TCF7L2: variants seen among roughly 807,000 people sequenced by gnomAD.
The protein encoded by TCF7L2 is transcription factor 7-like 2.
In TCF7L2, 23 loss-of-function variants were observed where a neutral mutation model predicts 77.9. The observed-to-expected ratio is 0.30, with a 90% confidence interval of 0.21 to 0.42. The LOEUF (loss-of-function observed/expected upper bound fraction) is 0.42. Among genes scored for constraint, TCF7L2 ranks in the 10% least tolerant of loss-of-function variants. TCF7L2 has a pLI of 1.00. For missense variants in TCF7L2, 654 were observed against 793.1 expected (o/e 0.82, Z 2.11); for synonymous variants, 413 against 340.2 (o/e 1.21, Z -2.36).
intron 4 of TCF7L2, among the ~76,000 whole-genome samples, chr10:113,026,532 GT>G (rs2049209247): frequency 6.6e-6 from 1 of 152,322 alleles, no homozygotes; most frequent in African/African-American, 2.4e-5. Context: ...GAATCAGGGA[GT>G]TAGGTCCGTC....
intron 5 of TCF7L2, among the ~76,000 whole-genome samples, chr10:113,105,927 T>A (rs141600726): frequency 1.3e-5 from 2 of 152,276 alleles, no homozygotes; most frequent in East Asian, 3.9e-4. Context: ...TCTCCAGGAT[T>A]AAAACAAAAC....
At chr10:113,060,085 C>T (rs2056180165) in intron 5 of TCF7L2, among the ~76,000 whole-genome samples, 2 of 152,128 alleles carry the variant, frequency 1.3e-5, no homozygotes, top group Admixed American at 6.5e-5. Context: ...AGCTGTTCAG[C>T]GGATACCCTG....
chr10:112,975,860 G>GA, intron 4 of TCF7L2, among the ~76,000 whole-genome samples: 1 of 152,200 alleles, frequency 6.6e-6, no homozygotes, highest in Admixed American at 6.6e-5. Context: ...TGTGACAACT[G>GA]AAAATATCTC....
At chr10:113,109,964 G>A (rs2062910431) in intron 5 of TCF7L2, among the ~76,000 whole-genome samples, 1 of 152,142 alleles carries the variant, frequency 6.6e-6, no homozygotes, top group Non-Finnish European at 1.5e-5. Context: ...TGACTTGTTT[G>A]AAGATTATAA....
chr10:113,141,381 G>A lies in TCF7L2; in HGVS notation c.685+65G>A, dbSNP rs141554466. ...CTGGGGTTCTGGGGGAACCTTTGAG[G>A]CCTCCACAGGAACCCCAGGGGTGGA... On this transcript the variant is annotated intron_variant, in intron 6 of 13. Coordinates refer to ENST00000627217, the MANE Select transcript of TCF7L2 (RefSeq NM_001146274.2). 1,041 of 1,607,068 alleles carry A rather than the reference G, an allele frequency of 6.5e-4. 10 individuals are homozygous for A. The East Asian group carries it at 0.017, about 27-fold the overall frequency.
intron 5 of TCF7L2, among the ~76,000 whole-genome samples, chr10:113,071,649 G>C (rs899164665): frequency 2.0e-5 from 3 of 152,234 alleles, no homozygotes; most frequent in African/African-American, 7.2e-5. Flanking sequence ...ACGGGACCAA[G>C]CCTTCCTGGT....
chr10:113,057,272 C>A (rs1208456196), intron 5 of TCF7L2, among the ~76,000 whole-genome samples: 1 of 152,184 alleles, frequency 6.6e-6, no homozygotes, highest in African/African-American at 2.4e-5. Flanking sequence ...TGGGTTCCAG[C>A]GATTCTCCTG....
At chr10:113,103,465 G>A (rs567935455) in intron 5 of TCF7L2, among the ~76,000 whole-genome samples, 163 of 152,140 alleles carry the variant, frequency 1.1e-3, no homozygotes, top group African/African-American at 3.7e-3. Flanking sequence ...TGGATCCCGC[G>A]AAGTAAGAAA....
intron 4 of TCF7L2, among the ~76,000 whole-genome samples, chr10:112,972,851 C>T (rs1365297963): frequency 1.3e-5 from 2 of 152,198 alleles, no homozygotes; most frequent in Non-Finnish European, 2.9e-5. Context: ...TCACCATTAT[C>T]CTCATTTTGT....
chr10:112,995,723 C>A (rs893430793), intron 4 of TCF7L2, among the ~76,000 whole-genome samples: 6 of 152,152 alleles, frequency 3.9e-5, no homozygotes, highest in Non-Finnish European at 4.4e-5. Flanking sequence ...CTCTGGGAAA[C>A]CTCCCTTTCC....
At chr10:113,150,403 A>G (rs2070490489) in intron 8 of TCF7L2, among the ~76,000 whole-genome samples, 2 of 151,954 alleles carry the variant, frequency 1.3e-5, no homozygotes, top group South Asian at 4.2e-4. Context: ...AATAGGAACT[A>G]TTTGAATTTT....
intron 5 of TCF7L2, among the ~76,000 whole-genome samples, chr10:113,096,685 C>T (rs2135777749): frequency 6.6e-6 from 1 of 152,254 alleles, no homozygotes; most frequent in Non-Finnish European, 1.5e-5. Context: ...AGCAGCCACA[C>T]CCTTTTAGAT....
intron 5 of TCF7L2, among the ~76,000 whole-genome samples, chr10:113,099,625 C>G (rs2061413912): frequency 6.6e-6 from 1 of 152,160 alleles, no homozygotes; most frequent in African/African-American, 2.4e-5. Flanking sequence ...TTGTCCTCCC[C>G]CTGGGAAATG....
chr10:113,152,561 G>A (rs997972041), intron 11 of TCF7L2, 121 bp downstream of exon 11: 24 of 744,372 alleles, frequency 3.2e-5, no homozygotes, highest in Admixed American at 5.5e-5. Flanking sequence ...CAATCTGCCC[G>A]CTTTGGGGAC....
At chr10:113,002,170 A>G (rs568568154) in intron 4 of TCF7L2, among the ~76,000 whole-genome samples, 6 of 152,336 alleles carry the variant, frequency 3.9e-5, no homozygotes, top group African/African-American at 7.2e-5. Context: ...ACTTCATACA[A>G]AGGTATCAAA....
intron 5 of TCF7L2, among the ~76,000 whole-genome samples, chr10:113,072,168 G>C (rs1214222614): frequency 6.6e-6 from 1 of 151,864 alleles, no homozygotes; most frequent in Non-Finnish European, 1.5e-5. Flanking sequence ...CCATTCTCCT[G>C]CCTCAGCCTC....
At chr10:112,983,908 A>G (rs992768455) in intron 4 of TCF7L2, among the ~76,000 whole-genome samples, 5 of 152,254 alleles carry the variant, frequency 3.3e-5, no homozygotes, top group African/African-American at 1.2e-4. Context: ...ACATAAACTT[A>G]GATGACAGTG....
chr10:113,086,035 T>C (rs749082748), intron 5 of TCF7L2, among the ~76,000 whole-genome samples: 23 of 152,234 alleles, frequency 1.5e-4, no homozygotes, highest in Non-Finnish European at 3.1e-4. Flanking sequence ...GGTCCTTGTC[T>C]TCTTTCTGCA....
rs899795593 is a variant in TCF7L2, at chr10:113,063,144, G to A, written c.552+23018G>A. 3.9e-4 allele frequency among the ~76,000 whole-genome samples: 60 copies of A among 152,086 alleles called. 1 individual carries two copies. Among genetic ancestry groups the A allele is most frequent in the Non-Finnish European group, 8.8e-5 (6 of 68,018 alleles). On this transcript the variant is annotated intron_variant, in intron 5 of 13. Coordinates refer to ENST00000627217, the MANE Select transcript of TCF7L2 (RefSeq NM_001146274.2). Reference sequence around the variant, plus strand: ...CCGTGCCTGTAATCTCTCTGCGGGTGGCCCTCCTAAGCCCTACTTCAAGAA... The same window carrying A: ...CCGTGCCTGTAATCTCTCTGCGGGTAGCCCTCCTAAGCCCTACTTCAAGAA...
Sources: gnomAD v4.1 joint callset for allele counts (sites outside exome capture counted in the v4.1 genomes callset) on GRCh38, gnomAD v4.1.1 for gene constraint, MANE v1.5 for transcripts, NCBI Gene and HGNC (gene_info 2026-07-23, HGNC 2026-07-21) for gene names.